Variants in NIT1 observed in about 807,000 individuals in gnomAD.
NIT1 encodes nitrilase 1.
A neutral mutation model predicts 36.8 loss-of-function variants in NIT1; 30 were observed. The ratio of observed to expected loss-of-function variants is 0.82; its 90% CI spans 0.61 to 1.11. The LOEUF (loss-of-function observed/expected upper bound fraction) is 1.11, where lower values mean the gene tolerates loss of function less well. Among genes scored for constraint, NIT1 ranks in the 50% least tolerant of loss-of-function variants. NIT1 has a pLI of 0.00. For synonymous variants in NIT1, 151 were observed against 155.6 expected (o/e 0.97, Z 0.22); for missense variants, 438 against 410.6 (o/e 1.07, Z -0.58).
Position 161,118,792 on chromosome 1 carries a change from CT to C in NIT1, c.11del (p.Phe4SerfsTer51). The part of the protein sequence containing the change: MLG[F>X]ITRPPHRFLS... Reference sequence around the variant, plus strand: ...CATATCTCACCTTCCTCAGGCTGGGCTTCATCACCAGGCCTCCTCACAGATT... The same window carrying C: ...CATATCTCACCTTCCTCAGGCTGGGCTCATCACCAGGCCTCCTCACAGATT... On this transcript the variant is annotated frameshift_variant, in exon 2 of 7. Transcript: ENST00000368009. LOFTEE classifies it high-confidence loss of function. The C allele has an allele frequency of 6.2e-7, 1 of 1,612,762 alleles. No individual in the cohort carries two copies. The highest frequency in any genetic ancestry group is 8.5e-7 in the Non-Finnish European group (1 of 1,178,814).
At chr1:161,124,346 G>A (rs1250682142), downstream of NIT1, 7 of 1,614,110 alleles carry the variant, frequency 4.3e-6, no homozygotes, top group African/African-American at 1.3e-5. Context: ...GCACATCTCT[G>A]TGTGTCAGAT....
At position 161,118,179 on chromosome 1, in the gene NIT1, G is replaced by T; in HGVS notation, c.2+1G>T. The T allele has an allele frequency of 6.2e-7, 1 of 1,614,094 alleles. No individual in the cohort carries two copies. ...CGAATGGTTTTGGCTATATCTTCAT[G>T]TAGGACCTACTCCCTATCCCGTCGG... is the stretch of plus-strand genomic sequence containing the variant. On this transcript the variant is annotated splice_donor_variant, in intron 1 of 6. Coordinates refer to ENST00000368009, the MANE Select transcript of NIT1 (RefSeq NM_005600.3). LOFTEE classifies it high-confidence loss of function.
downstream of NIT1, chr1:161,124,080 T>G (rs1445402589): frequency 6.3e-7 from 1 of 1,582,874 alleles, no homozygotes; most frequent in Non-Finnish European, 8.6e-7. Context: ...ACGCCTATGC[T>G]GCTCCTTCCT....
chr1:161,120,035 T>G (rs1571205495), intron 5 of NIT1, 72 bp from the exon 6 acceptor site: 1 of 1,607,746 alleles, frequency 6.2e-7, no homozygotes, highest in East Asian at 2.2e-5. Context: ...AGAGAGGGGG[T>G]AATGGAAATA....
At chr1:161,123,131 C>T (rs1317207570), downstream of NIT1, 2 of 1,614,226 alleles carry the variant, frequency 1.2e-6, no homozygotes, top group Non-Finnish European at 1.7e-6. Context: ...TTTTCGCTGG[C>T]TCCCAAGTGT....
downstream of NIT1, chr1:161,121,965 G>A (rs901797658): frequency 4.1e-6 from 3 of 723,474 alleles, no homozygotes; most frequent in African/African-American, 5.4e-5. Flanking sequence ...GGAAGCCCAG[G>A]CACATGGGTG....
intron 1 of NIT1, chr1:161,118,496 G>C: frequency 6.5e-7 from 1 of 1,536,198 alleles, no homozygotes; most frequent in South Asian, 1.2e-5. Flanking sequence ...ATAGTTCCCG[G>C]AGATGACTTT....
At chr1:161,118,689 C>G in intron 1 of NIT1, 97 bp from the exon 2 acceptor site, 1 of 1,451,996 alleles carries the variant, frequency 6.9e-7, no homozygotes, top group South Asian at 1.2e-5. Flanking sequence ...TGGCAGGGCC[C>G]TGATTCAGGC....
intron 6 of NIT1, 50 bp downstream of exon 6, chr1:161,120,282 T>G (rs983530424): frequency 3.1e-6 from 5 of 1,605,604 alleles, no homozygotes; most frequent in Non-Finnish European, 4.3e-6. Context: ...AACCTCATCT[T>G]CCCCCCTTGG....
At chr1:161,123,347 A>G (rs78180560), downstream of NIT1, 28,599 of 970,624 alleles carry the variant, frequency 0.029, 520 homozygotes, top group Middle Eastern at 0.044. Context: ...GTGACTTGAA[A>G]AGACATGTGA....
downstream of NIT1, chr1:161,122,304 G>C: frequency 6.2e-7 from 1 of 1,614,232 alleles, no homozygotes; most frequent in Non-Finnish European, 8.5e-7. The surrounding 1 kb of genome is among the most constrained non-coding windows in gnomAD (Gnocchi z 4.2). Context: ...CTCTAATAAA[G>C]AGCCATTGAT....
Position 161,120,609 on chromosome 1 carries a change from C to T in NIT1, c.828C>T (p.Asp276=). 1 of 1,614,196 alleles carries T rather than the reference C, an allele frequency of 6.2e-7. No homozygotes were observed. The highest frequency in any genetic ancestry group is 8.5e-7 in the Non-Finnish European group (1 of 1,180,046). The stretch of plus-strand genomic sequence containing the variant: ...GTTATGGCCACAGCATGGTGGTAGA[C>T]CCCTGGGGAACAGTGGTGGCCCGCT... The part of the protein sequence containing the change: ...RASYGHSMVV[D]PWGTVVARCS... Residue 276 remains aspartate (D), a synonymous_variant, in exon 7 of 7, where the codon GAC becomes GAT. Coordinates refer to ENST00000368009, the MANE Select transcript of NIT1 (RefSeq NM_005600.3).
downstream of NIT1, chr1:161,123,274 A>C: frequency 6.6e-7 from 1 of 1,513,310 alleles, no homozygotes; most frequent in Non-Finnish European, 9.2e-7. Context: ...GCAGAAATTC[A>C]AACACTTCTG....
chr1:161,118,451 GCA>G, intron 1 of NIT1: 1 of 1,536,098 alleles, frequency 6.5e-7, no homozygotes, highest in Non-Finnish European at 8.7e-7. Context: ...CTGCGCAAGT[GCA>G]CAGTCAAGGA....
chr1:161,122,555 G>A (rs780731560), downstream of NIT1: 1 of 1,594,392 alleles, frequency 6.3e-7, no homozygotes, highest in Admixed American at 1.7e-5. The surrounding 1 kb of genome is among the most constrained non-coding windows in gnomAD (Gnocchi z 4.2). Flanking sequence ...GAGCAGAAGA[G>A]GTTACAGTAA....
Position 161,119,352 on chromosome 1 carries a change from G to T in NIT1, c.317G>T (p.Gly106Val). The change falls in exon 3 of 7, where the codon GGT becomes GTT. Residue 106 changes from glycine to valine, a missense_variant. Gly to Val is a moderately radical substitution (Grantham distance 109). Coordinates refer to ENST00000368009, the MANE Select transcript of NIT1 (RefSeq NM_005600.3). ...ACGCTACACCTGTCTGAACCACTGG[G>T]TGGGAAACTTTTGGAAGAATACACC... Reference protein sequence around the residue: ...AETLHLSEPLGGKLLEEYTQL... With the variant: ...AETLHLSEPLVGKLLEEYTQL... 1 of 1,614,214 alleles carries T rather than the reference G, an allele frequency of 6.2e-7. No homozygotes were observed. The highest frequency in any genetic ancestry group is 1.1e-5 in the South Asian group (1 of 91,084).
intron 6 of NIT1, 69 bp from the exon 7 acceptor site, chr1:161,120,430 A>G: frequency 6.4e-7 from 1 of 1,552,070 alleles, no homozygotes; most frequent in Non-Finnish European, 8.8e-7. Context: ...TTGGTCTGTA[A>G]TGTCCCTCAC....
chr1:161,123,257 G>A, downstream of NIT1: 1 of 1,581,916 alleles, frequency 6.3e-7, no homozygotes, highest in African/African-American at 1.3e-5. Context: ...AACACAGTAG[G>A]GTAAAGGCAG....
chr1:161,123,998 C>T (rs775831357), downstream of NIT1: 2 of 1,598,738 alleles, frequency 1.3e-6, no homozygotes, highest in South Asian at 2.3e-5. Flanking sequence ...TCCCTTCTGT[C>T]AGTCCAAACC....
Sources: gnomAD v4.1 joint callset for allele counts on GRCh38, gnomAD v4.1.1 for gene constraint, Gnocchi (gnomAD v3.1) non-coding constraint, MANE v1.5 for transcripts, NCBI Gene and HGNC (gene_info 2026-07-23, HGNC 2026-07-21) for gene names.